Variants in SGSM1 observed in about 807,000 individuals in gnomAD.
SGSM1 encodes the protein RUN and TBC1 domain containing 2.
A neutral mutation model predicts 133.8 loss-of-function variants in SGSM1; 73 were observed. That is an observed-to-expected ratio of 0.55 (90% CI 0.45 to 0.66). The LOEUF (loss-of-function observed/expected upper bound fraction) is 0.66. Ranked by LOEUF, SGSM1 falls within the 30% of genes least tolerant of loss-of-function variation. The pLI is 0.00. For synonymous variants in SGSM1, 563 were observed against 573.0 expected (o/e 0.98, Z 0.25); for missense variants, 1,213 against 1,448.1 (o/e 0.84, Z 2.64).
chr22:24,821,787 G>C (rs1426856559), intron 2 of SGSM1, among the ~76,000 whole-genome samples: 1 of 152,186 alleles, frequency 6.6e-6, no homozygotes, highest in African/African-American at 2.4e-5. Flanking sequence ...AGCAGTTATA[G>C]GTTCTCAGAA....
At chr22:24,880,714 G>A (rs1932269173) in intron 14 of SGSM1, among the ~76,000 whole-genome samples, 1 of 152,184 alleles carries the variant, frequency 6.6e-6, no homozygotes, top group Non-Finnish European at 1.5e-5. Context: ...GGACCCAAAT[G>A]GAAGCAGGAA....
rs751950143 is a variant in SGSM1 at position 24,893,575 on chromosome 22, CACCGGATGT to C, written c.1916_1924del (p.His639_Met641del). On this transcript the variant is annotated inframe_deletion, in exon 17 of 25. Coordinates refer to ENST00000400358, the MANE Select transcript of SGSM1 (RefSeq NM_001098497.3). ...CGGGGCCAGCTTGGACAGCCACCTG[CACCGGATGT>C]TGCACAGGGACTCAACCATCAGCAA... 3 of 1,592,832 alleles carry C rather than the reference CACCGGATGT, an allele frequency of 1.9e-6. No individual in the cohort carries two copies. In the East Asian group the frequency reaches 6.7e-5, roughly 36 times the overall value.
At chr22:24,859,933 C>A in intron 9 of SGSM1, 93 bp downstream of exon 9, 1 of 1,536,690 alleles carries the variant, frequency 6.5e-7, no homozygotes. Flanking sequence ...GTTTGTATCC[C>A]GCCCCTGCTT....
At chr22:24,880,141 CT>C (rs938666794) in intron 14 of SGSM1, among the ~76,000 whole-genome samples, 59 of 146,542 alleles carry the variant, frequency 4.0e-4, no homozygotes, top group South Asian at 6.5e-4. Flanking sequence ...TCTCTGCTGT[CT>C]TTTTTTTTTT....
chr22:24,833,518 C>T (rs552071008), intron 2 of SGSM1, among the ~76,000 whole-genome samples: 264 of 151,980 alleles, frequency 1.7e-3, no homozygotes, highest in Admixed American at 3.9e-3. Flanking sequence ...ATCAGCTGGG[C>T]GTGGTGGCCA....
chr22:24,898,188 A>C lies in SGSM1; in HGVS notation c.2239A>C (p.Thr747Pro), dbSNP rs6004350. 0.017 allele frequency: 27,182 copies of C among 1,613,792 alleles called. 3,666 individuals carry two copies. In the African/African-American group the frequency reaches 0.31, roughly 18 times the overall value. Residue 747 changes from threonine (T) to proline (P), a missense_variant, in exon 19 of 25, where the codon ACG becomes CCG. Coordinates refer to ENST00000400358, the MANE Select transcript of SGSM1 (RefSeq NM_001098497.3). ...CTTGGACGCCCAGCGGAACACCCCC[A>C]CGGTGCTGCGACCTAGGGATGGCAG... ...SVLDAQRNTP[T>P]VLRPRDGSVD... is the part of the protein sequence containing the mutation.
At chr22:24,868,345 C>G in intron 10 of SGSM1, 31 bp from the exon 11 acceptor site, 2 of 1,593,766 alleles carry the variant, frequency 1.3e-6, no homozygotes, top group Non-Finnish European at 1.7e-6. Flanking sequence ...GTGACTTCCA[C>G]TGGGTCTTCT....
chr22:24,871,121 T>C (rs1472953930), intron 12 of SGSM1, among the ~76,000 whole-genome samples: 2 of 152,216 alleles, frequency 1.3e-5, no homozygotes, highest in East Asian at 1.9e-4. Context: ...TTGTGGGATG[T>C]TGAGCACCCA....
intron 13 of SGSM1, among the ~76,000 whole-genome samples, chr22:24,877,503 C>T (rs1932081410): frequency 6.6e-6 from 1 of 152,100 alleles, no homozygotes; most frequent in Non-Finnish European, 1.5e-5. Context: ...TTCCCCTGGT[C>T]CAACCTGGCC....
At chr22:24,898,620 A>T in intron 19 of SGSM1, 61 bp downstream of exon 19, 2 of 1,474,610 alleles carry the variant, frequency 1.4e-6, no homozygotes, top group Non-Finnish European at 1.8e-6. Context: ...GGTGGGATGT[A>T]CTACAAGCCT....
intron 2 of SGSM1, among the ~76,000 whole-genome samples, chr22:24,838,995 A>G (rs1337032624): frequency 6.6e-6 from 1 of 151,218 alleles, no homozygotes; most frequent in Non-Finnish European, 1.5e-5. Flanking sequence ...CTTTGGTAAT[A>G]TCAACATTTT....
chr22:24,825,629 C>T (rs1157891429), intron 2 of SGSM1, among the ~76,000 whole-genome samples: 2 of 152,056 alleles, frequency 1.3e-5, no homozygotes, highest in South Asian at 2.1e-4. Context: ...GGGGTGTTAC[C>T]GTATTGGCCA....
chr22:24,864,177 T>G (rs532823588), intron 9 of SGSM1, among the ~76,000 whole-genome samples: 10 of 152,308 alleles, frequency 6.6e-5, no homozygotes, highest in African/African-American at 2.2e-4. Flanking sequence ...AGGCTGGACT[T>G]GCCTCCGATC....
intron 14 of SGSM1, 92 bp downstream of exon 14, chr22:24,879,618 A>C (rs779361061): frequency 5.9e-5 from 73 of 1,227,002 alleles, no homozygotes; most frequent in Admixed American, 8.6e-5. Context: ...CTGGCTCTGG[A>C]GTTTGAACCT....
chr22:24,862,969 G>A (rs912913948), intron 9 of SGSM1, among the ~76,000 whole-genome samples: 1 of 152,196 alleles, frequency 6.6e-6, no homozygotes, highest in African/African-American at 2.4e-5. Context: ...TTCACAGCGC[G>A]AGGACCCTGT....
intron 9 of SGSM1, among the ~76,000 whole-genome samples, chr22:24,860,825 A>G (rs1931081282): frequency 1.4e-5 from 2 of 145,196 alleles, no homozygotes; most frequent in African/African-American, 2.5e-5. Context: ...GCTTGTACCC[A>G]GGAGGCAGAG....
chr22:24,847,860 G>A, intron 4 of SGSM1, 64 bp downstream of exon 4: 2 of 1,563,972 alleles, frequency 1.3e-6, no homozygotes, highest in Non-Finnish European at 1.7e-6. Context: ...TCCTCCCTGG[G>A]TCCTGAGAGA....
At chr22:24,869,300 G>A (rs79508565) in intron 12 of SGSM1, among the ~76,000 whole-genome samples, 4,325 of 152,192 alleles carry the variant, frequency 0.028, 197 homozygotes, top group African/African-American at 0.099. Flanking sequence ...ACTTTGGATT[G>A]CCTGAGCCCA....
At chr22:24,838,180 T>A (rs1468134965) in intron 2 of SGSM1, among the ~76,000 whole-genome samples, 1 of 152,236 alleles carries the variant, frequency 6.6e-6, no homozygotes, top group East Asian at 1.9e-4. Flanking sequence ...CACCATTTGT[T>A]TTAAAGACTA....
Sources: gnomAD v4.1 joint callset for allele counts (sites outside exome capture counted in the v4.1 genomes callset) on GRCh38, gnomAD v4.1.1 for gene constraint, MANE v1.5 for transcripts, NCBI Gene and HGNC (gene_info 2026-07-23, HGNC 2026-07-21) for gene names.